Variants in C1QTNF4 observed in about 807,000 individuals in gnomAD.
C1QTNF4 encodes complement C1q tumor necrosis factor-related protein 4.
Under a neutral mutation model 14.6 loss-of-function variants are expected in C1QTNF4, and 12 were observed. The observed-to-expected ratio is 0.82, with a 90% CI of 0.53 to 1.33. C1QTNF4 has a LOEUF of 1.33. Ranked by LOEUF, C1QTNF4 falls within the 40% of genes most tolerant of loss-of-function variation. The pLI is 0.00. For missense variants in C1QTNF4, 558 were observed against 500.3 expected, an observed-to-expected ratio of 1.12 and a Z score of -1.10; for synonymous variants, 278 against 246.6, an observed-to-expected ratio of 1.13 and a Z score of -1.19.
Position 47,589,697 on chromosome 11 carries a change from T to G in C1QTNF4, c.*124A>C, listed in dbSNP as rs2153795931. On this transcript the variant is annotated 3_prime_UTR_variant, in exon 2 of 2. Transcript: ENST00000302514. ...TGCCGGGCGCTGCGCGTGCCCGCTT[T>G]CCGCTTTATTGGCAGAGTCCAGGCG... 1.0e-6 allele frequency: 1 copy of G among 973,456 alleles called. No individual in the cohort carries two copies. Among genetic ancestry groups the G allele is most frequent in the African/African-American group, 1.8e-5 (1 of 56,802 alleles). The allele number at this position is 973,456 out of a possible 1,614,324, so 60.3% of individuals were successfully genotyped here. A position where few individuals can be genotyped will look rare whatever the true frequency, so the allele number is the denominator to read the frequency against.
chr11:47,591,108 T>C (rs1413321176), intron 1 of C1QTNF4, among the ~76,000 whole-genome samples: 2 of 152,222 alleles, frequency 1.3e-5, no homozygotes, highest in Admixed American at 6.5e-5. Flanking sequence ...AGATGGAGTC[T>C]CGCTCTGTGA....
At chr11:47,591,131 T>G (rs752270435) in intron 1 of C1QTNF4, among the ~76,000 whole-genome samples, 1 of 152,292 alleles carries the variant, frequency 6.6e-6, no homozygotes, top group South Asian at 2.1e-4. Context: ...CAGGCTGGAG[T>G]GTAGTGGCAC....
Position 47,590,175 on chromosome 11 carries a change from G to A in C1QTNF4, c.636C>T (p.Gly212=), listed in dbSNP as rs7942272. 1.9e-6 allele frequency: 3 copies of A among 1,599,674 alleles called. No individual in the cohort carries two copies. The highest frequency in any genetic ancestry group is 2.6e-6 in the Non-Finnish European group (3 of 1,175,484). The change falls in exon 2 of 2, where the codon GGC becomes GGT. Residue 212 remains glycine, a synonymous_variant. Transcript: ENST00000302514. The stretch of plus-strand genomic sequence containing the variant: ...ACACGCCGGCCGCCGCGTCGAAGTC[G>A]CCGCCAATGTTGACGAACTCGGTGT... ...AFDTEFVNIG[G]DFDAAAGVFR... is the part of the protein sequence containing the mutation.
chr11:47,592,902 G>A (rs1261107026), intron 1 of C1QTNF4, among the ~76,000 whole-genome samples: 1 of 152,178 alleles, frequency 6.6e-6, no homozygotes, highest in East Asian at 1.9e-4. Context: ...CCAACTGAAT[G>A]CTGTCTCCTT....
Position 47,590,500 on chromosome 11 carries a change from A to G in C1QTNF4, c.311T>C (p.Leu104Pro). Residue 104 changes from leucine to proline, a missense_variant, in exon 2 of 2, where the codon CTG becomes CCG. Coordinates refer to ENST00000302514, the MANE Select transcript of C1QTNF4 (RefSeq NM_031909.3). ...LVRNRDEVQA[L>P]AFDEQRRPGA... ...TGGCCGCCGCTGCTCGTCGAAGGCC[A>G]GCGCCTGCACCTCGTCGCGGTTTCG... The G allele has an allele frequency of 6.4e-7, 1 of 1,560,480 alleles. No individual in the cohort carries two copies. The highest frequency in any genetic ancestry group is 8.7e-7 in the Non-Finnish European group (1 of 1,154,632).
Position 47,590,580 on chromosome 11 carries a change from G to T in C1QTNF4, c.231C>A (p.Phe77Leu), listed in dbSNP as rs749788591. 4.4e-6 allele frequency: 7 copies of T among 1,605,358 alleles called. No individual in the cohort carries two copies. The African/African-American group carries it at 6.7e-5, about 15-fold the overall frequency. ...GGGCCTTGCCAGCCGTGAAGGAGAA[G>T]AAGTAGGCGCCGGGCACGCGGCAGC... Reference protein sequence around the residue: ...QFRCRVPGAYFFSFTAGKAPH... With the variant: ...QFRCRVPGAYLFSFTAGKAPH... Residue 77 changes from phenylalanine (F) to leucine (L), a missense_variant, in exon 2 of 2, where the codon TTC becomes TTA. Coordinates refer to ENST00000302514, the MANE Select transcript of C1QTNF4 (RefSeq NM_031909.3).
chr11:47,590,422 T>G lies in C1QTNF4; in HGVS notation c.389A>C (p.Asp130Ala). The G allele has an allele frequency of 4.7e-6, 7 of 1,503,518 alleles. No homozygotes were observed. Among genetic ancestry groups the G allele is most frequent in the Non-Finnish European group, 3.5e-6 (4 of 1,132,284 alleles). The allele number at this position is 1,503,518 out of a possible 1,614,324, so 93.1% of individuals were successfully genotyped here. A position where few individuals can be genotyped will look rare whatever the true frequency, so the allele number is the denominator to read the frequency against. Reference protein sequence around the residue: ...QSAMLQLDYGDTVWLRLHGAP... With the variant: ...QSAMLQLDYGATVWLRLHGAP... ...GCCATGCAGCCGCAGCCACACTGTG[T>G]CGCCGTAGTCGAGCTGCAGCATGGC... Residue 130 changes from aspartate to alanine, a missense_variant, in exon 2 of 2, where the codon GAC (aspartate) becomes GCC (alanine). Asp to Ala is a moderately radical substitution (Grantham distance 126). Coordinates refer to ENST00000302514, the MANE Select transcript of C1QTNF4 (RefSeq NM_031909.3).
At chr11:47,592,038 G>A (rs971265771) in intron 1 of C1QTNF4, among the ~76,000 whole-genome samples, 2 of 152,186 alleles carry the variant, frequency 1.3e-5, no homozygotes, top group African/African-American at 4.8e-5. Flanking sequence ...CACAGAGGAG[G>A]CGAGAACAGT....
At chr11:47,594,994 T>C (rs1223334891), upstream of C1QTNF4, among the ~76,000 whole-genome samples, 1 of 152,060 alleles carries the variant, frequency 6.6e-6, no homozygotes. Flanking sequence ...AATGGAATTT[T>C]CTGCTGGGAA....
chr11:47,590,866 C>A, intron 1 of C1QTNF4, 51 bp from the exon 2 acceptor site: 1 of 1,433,596 alleles, frequency 7.0e-7, no homozygotes, highest in South Asian at 1.5e-5. Context: ...GGGCGGCTTC[C>A]AAACGCCCGG....
At chr11:47,593,652 G>A (rs1431808703) in intron 1 of C1QTNF4, among the ~76,000 whole-genome samples, 1 of 152,146 alleles carries the variant, frequency 6.6e-6, no homozygotes, top group Non-Finnish European at 1.5e-5. Context: ...GGGTGTCATA[G>A]CTCCAGGGAA....
At chr11:47,593,668 TG>T (rs1277506416) in intron 1 of C1QTNF4, among the ~76,000 whole-genome samples, 1 of 152,000 alleles carries the variant, frequency 6.6e-6, no homozygotes, top group African/African-American at 2.4e-5. Flanking sequence ...GGGAAGGAAA[TG>T]GCTGTTCCTG....
chr11:47,591,343 C>T (rs1193672857), intron 1 of C1QTNF4, among the ~76,000 whole-genome samples: 1 of 150,826 alleles, frequency 6.6e-6, no homozygotes, highest in East Asian at 1.9e-4. Context: ...TCCCAAAGTG[C>T]TGGGATTACA....
chr11:47,589,871 CG>C lies in C1QTNF4; in HGVS notation c.939del (p.Asp314ThrfsTer56). ...CCCGGCGGGGCGGCGGGGGCGAGGT[CG>C]GGGTACACCAGGAAGCCGGAGAAGG... ...YITFSGFLVY[P>X]DLAPAAPPGL... is the part of the protein sequence containing the mutation. On this transcript the variant is annotated frameshift_variant, in exon 2 of 2. Coordinates refer to ENST00000302514, the MANE Select transcript of C1QTNF4 (RefSeq NM_031909.3). LOFTEE classifies it low-confidence loss of function (END_TRUNC). The C allele has an allele frequency of 6.4e-7, 1 of 1,554,606 alleles. No individual in the cohort carries two copies. Among genetic ancestry groups the C allele is most frequent in the Non-Finnish European group, 8.7e-7 (1 of 1,148,436 alleles).
chr11:47,591,826 A>AG (rs1049294541), intron 1 of C1QTNF4, among the ~76,000 whole-genome samples: 3 of 152,226 alleles, frequency 2.0e-5, no homozygotes, highest in Non-Finnish European at 4.4e-5. Context: ...CGGGGGATTC[A>AG]GGGGAGTCTC....
chr11:47,594,292 G>C lies in C1QTNF4; in HGVS notation c.-150C>G, dbSNP rs1330371022. The C allele has an allele frequency of 2.0e-5, 3 of 152,234 alleles. No individual in the cohort carries two copies. The highest frequency in any genetic ancestry group is 2.9e-5 in the Non-Finnish European group (2 of 68,122). 9.4% of individuals were successfully genotyped at this position (152,234 alleles called of 1,614,324 possible). On this transcript the variant is annotated 5_prime_UTR_variant, in exon 1 of 2. Coordinates refer to ENST00000302514, the MANE Select transcript of C1QTNF4 (RefSeq NM_031909.3). ...CTGCGGCAGGGGCGGCGGGGGCTCC[G>C]GCTGCTTTTCCCGGCTCTGAGGCGG...
rs1439305553 is a variant in C1QTNF4 at position 47,590,697 on chromosome 11, G to A, written c.114C>T (p.Thr38=). 1 of 1,611,368 alleles carries A rather than the reference G, an allele frequency of 6.2e-7. No homozygotes were observed. Among genetic ancestry groups the A allele is most frequent in the Admixed American group, 1.7e-5 (1 of 59,932 alleles). Reference sequence around the variant, plus strand: ...CCATCTCCGACGTGCCCTCCAGGGGGGTGGTGCGTGCCGCCGAGAAGGCCG... The same window carrying A: ...CCATCTCCGACGTGCCCTCCAGGGGAGTGGTGCGTGCCGCCGAGAAGGCCG... ...LRSAFSAART[T]PLEGTSEMAV... The change falls in exon 2 of 2, where the codon ACC becomes ACT. Residue 38 remains threonine (T), a synonymous_variant. Coordinates refer to ENST00000302514, the MANE Select transcript of C1QTNF4 (RefSeq NM_031909.3).
In C1QTNF4 at chr11:47,590,218, T is replaced by C; in HGVS notation, c.593A>G (p.His198Arg). Residue 198 changes from histidine (H) to arginine (R), a missense_variant, in exon 2 of 2, where the codon CAC becomes CGC. His to Arg is a conservative substitution (Grantham distance 29). Coordinates refer to ENST00000302514, the MANE Select transcript of C1QTNF4 (RefSeq NM_031909.3). Reference protein sequence around the residue: ...VGSDAGPGPRHQPLAFDTEFV... With the variant: ...VGSDAGPGPRRQPLAFDTEFV... ...CTCGGTGTCGAAGGCGAGTGGTTGG[T>C]GCCGCGGCCCGGGGCCAGCGTCCGA... is the stretch of plus-strand genomic sequence containing the variant. The C allele has an allele frequency of 6.4e-7, 1 of 1,555,130 alleles. No homozygotes were observed. Among genetic ancestry groups the C allele is most frequent in the Non-Finnish European group, 8.6e-7 (1 of 1,156,564 alleles).
At chr11:47,591,714 G>C (rs1243499923) in intron 1 of C1QTNF4, among the ~76,000 whole-genome samples, 2 of 152,182 alleles carry the variant, frequency 1.3e-5, no homozygotes, top group East Asian at 1.9e-4. Flanking sequence ...GTGAAAGCTT[G>C]AACACAGACT....
Sources: gnomAD v4.1 joint callset for allele counts (sites outside exome capture counted in the v4.1 genomes callset) on GRCh38, gnomAD v4.1.1 for gene constraint, MANE v1.5 for transcripts, NCBI Gene and HGNC (gene_info 2026-07-23, HGNC 2026-07-21) for gene names.